The following CHST15 variants were observed in gnomAD, a reference collection of about 807,000 sequenced individuals.
The protein encoded by CHST15 is B cell RAG associated protein (GALNAC4S-6ST).
CHST15 carries 30 observed loss-of-function variants against 53.6 expected under a neutral mutation model. That is an observed-to-expected ratio of 0.56 (90% confidence interval 0.42 to 0.76). The LOEUF (loss-of-function observed/expected upper bound fraction) is 0.76, where lower values mean the gene tolerates loss of function less well. Among genes scored for constraint, CHST15 ranks in the 30% least tolerant of loss-of-function variants. CHST15 has a pLI of 0.00. For missense variants in CHST15, 627 were observed against 740.5 expected (o/e 0.85, Z 1.78); for synonymous variants, 296 against 289.8 (o/e 1.02, Z -0.22).
chr10:124,020,204 C>G lies in CHST15; in HGVS notation c.1347+1052G>C, dbSNP rs1054592539. The G allele has an allele frequency of 1.9e-5, 19 of 985,454 alleles. No individual in the cohort carries two copies. The African/African-American group carries it at 3.3e-4, about 17-fold the overall frequency. The allele number at this position is 985,454 out of a possible 1,614,324, so 61.0% of individuals were successfully genotyped here. A position where few individuals can be genotyped will look rare whatever the true frequency, so the allele number is the denominator to read the frequency against. ...ACAGACCCATCACAACAGCCTGGTACAGCAGCATTATTACCCCATTGTATG... is the reference window on the plus strand; with the variant it reads ...ACAGACCCATCACAACAGCCTGGTAGAGCAGCATTATTACCCCATTGTATG... On this transcript the variant is annotated intron_variant, in intron 6 of 7. Transcript: ENST00000435907.
intron 6 of CHST15, chr10:124,020,556 G>A (rs79219368): frequency 2.0e-6 from 2 of 985,526 alleles, no homozygotes; most frequent in Non-Finnish European, 2.4e-6. Context: ...TCCACAGCAG[G>A]CCTGTTGGTG....
chr10:124,076,204 A>C lies in CHST15; in HGVS notation c.-513+17265T>G, dbSNP rs1446116425. The stretch of plus-strand genomic sequence containing the variant: ...CATTTTACAGTGAAAAATCACCAGG[A>C]CTTGAGGCTTATACACACACATAAT... On this transcript the variant is annotated intron_variant, in intron 1 of 7. Transcript: ENST00000435907. 4.6e-5 allele frequency among the ~76,000 whole-genome samples: 7 copies of C among 152,130 alleles called. No individual in the cohort carries two copies. The East Asian group carries it at 1.3e-3, about 29-fold the overall frequency.
At chr10:124,025,818 C>T (rs1036903252) in intron 5 of CHST15, among the ~76,000 whole-genome samples, 5 of 152,130 alleles carry the variant, frequency 3.3e-5, no homozygotes, top group African/African-American at 4.8e-5. Flanking sequence ...GCCTGGAGTG[C>T]GGCGTCTATG....
intron 5 of CHST15, among the ~76,000 whole-genome samples, chr10:124,026,870 G>C (rs988023158): frequency 1.3e-5 from 2 of 152,188 alleles, no homozygotes; most frequent in Non-Finnish European, 2.9e-5. Context: ...TTGCAGGCAA[G>C]GGGAAATACC....
At position 124,078,281 on chromosome 10, in the gene CHST15, C is replaced by T. The variant is rs148467228; in HGVS notation, c.-513+15188G>A. Among the ~76,000 whole-genome samples, 116 of 152,344 alleles carry T rather than the reference C, an allele frequency of 7.6e-4. 1 individual carries two copies. Among genetic ancestry groups the T allele is most frequent in the African/African-American group, 2.7e-3 (111 of 41,584 alleles). ...CTGACTTCACACTGCCTATATTCCACGCCCAACTCTACCATCCAGCTGCAG... is the reference window on the plus strand; with the variant it reads ...CTGACTTCACACTGCCTATATTCCATGCCCAACTCTACCATCCAGCTGCAG... On this transcript the variant is annotated intron_variant, in intron 1 of 7. Coordinates refer to ENST00000435907, the MANE Select transcript of CHST15 (RefSeq NM_001270764.2).
intron 1 of CHST15, among the ~76,000 whole-genome samples, chr10:124,048,164 T>G (rs1297220559): frequency 2.0e-5 from 3 of 152,254 alleles, no homozygotes; most frequent in African/African-American, 7.2e-5. Context: ...TGCTTGCCGT[T>G]GGTGAGTGTT....
At chr10:124,083,455 T>C (rs899735600) in intron 1 of CHST15, among the ~76,000 whole-genome samples, 1 of 152,234 alleles carries the variant, frequency 6.6e-6, no homozygotes, top group African/African-American at 2.4e-5. Context: ...ATGCAAAAGA[T>C]CCCTGGATTT....
intron 4 of CHST15, among the ~76,000 whole-genome samples, chr10:124,039,000 A>G (rs1024501690): frequency 2.0e-4 from 30 of 152,216 alleles, no homozygotes; most frequent in African/African-American, 6.5e-4. Context: ...CCAGTTTCAC[A>G]GTATTTAACT....
At chr10:124,021,219 G>C in intron 6 of CHST15, 37 bp downstream of exon 6, 2 of 1,479,634 alleles carry the variant, frequency 1.4e-6, no homozygotes, top group Non-Finnish European at 1.8e-6. Context: ...TTCTGCCAGG[G>C]GCCAGCTCGG....
chr10:124,013,714 A>G (rs1185757495), intron 6 of CHST15, among the ~76,000 whole-genome samples: 1 of 152,166 alleles, frequency 6.6e-6, no homozygotes, highest in African/African-American at 2.4e-5. Flanking sequence ...AACTCTTAGC[A>G]AAGCTTCCAG....
chr10:124,077,824 G>A (rs549999656), intron 1 of CHST15, among the ~76,000 whole-genome samples: 4 of 152,174 alleles, frequency 2.6e-5, no homozygotes, highest in African/African-American at 7.2e-5. Context: ...AGCCTCACTC[G>A]GCTCCAGAGT....
chr10:124,032,026 G>GCTAT (rs1326024932), intron 5 of CHST15, among the ~76,000 whole-genome samples: 3 of 152,192 alleles, frequency 2.0e-5, no homozygotes, highest in Non-Finnish European at 2.9e-5. Flanking sequence ...CTGCCCAAAT[G>GCTAT]TTCAGCCCTG....
intron 5 of CHST15, among the ~76,000 whole-genome samples, chr10:124,037,406 A>G (rs1323820230): frequency 6.6e-6 from 1 of 152,180 alleles, no homozygotes; most frequent in Non-Finnish European, 1.5e-5. Context: ...ATGGAGAAGA[A>G]AGAGGACCAA....
At chr10:124,045,527 A>G in intron 2 of CHST15, 140 bp downstream of exon 2, 4 of 866,238 alleles carry the variant, frequency 4.6e-6, no homozygotes, top group Non-Finnish European at 7.2e-6. Context: ...TCAAATCCAT[A>G]AGGCTGTCAA....
At position 124,078,133 on chromosome 10, in the gene CHST15, C is replaced by T. The variant is rs181716038; in HGVS notation, c.-513+15336G>A. On this transcript the variant is annotated intron_variant, in intron 1 of 7. Transcript: ENST00000435907. ...GGGACACGGCAGATCTCACACAAGC[C>T]TCTTGCATTGCAGGTAAAGAAACAG... Among the ~76,000 whole-genome samples the T allele has an allele frequency of 8.5e-5, 13 of 152,324 alleles. No individual in the cohort carries two copies. In the East Asian group the frequency reaches 2.5e-3, roughly 29 times the overall value.
chr10:124,089,661 T>A (rs4450122), intron 1 of CHST15, among the ~76,000 whole-genome samples: 3 of 151,912 alleles, frequency 2.0e-5, no homozygotes, highest in African/African-American at 7.3e-5. Context: ...TGAAATTCAA[T>A]GTCCACACCT....
At chr10:124,020,870 A>G in intron 6 of CHST15, 2 of 1,256,476 alleles carry the variant, frequency 1.6e-6, no homozygotes, top group Non-Finnish European at 1.0e-6. Context: ...ATTGATGGGT[A>G]GTTTTTTAAA....
At position 124,010,007 on chromosome 10, in the gene CHST15, G is replaced by A; in HGVS notation, c.*142C>T. Reference sequence around the variant, plus strand: ...AACATCACGAAGGAAATTCCAAAATGGTTATAATTCATGTGTGCCTAGAGT... The same window carrying A: ...AACATCACGAAGGAAATTCCAAAATAGTTATAATTCATGTGTGCCTAGAGT... On this transcript the variant is annotated 3_prime_UTR_variant, in exon 8 of 8. Transcript: ENST00000435907. 5 of 1,507,734 alleles carry A rather than the reference G, an allele frequency of 3.3e-6. No homozygotes were observed. Among genetic ancestry groups the A allele is most frequent in the Non-Finnish European group, 4.4e-6 (5 of 1,132,874 alleles). The allele number at this position is 1,507,734 out of a possible 1,614,324, so 93.4% of individuals were successfully genotyped here. A position where few individuals can be genotyped will look rare whatever the true frequency, so the allele number is the denominator to read the frequency against.
Position 124,046,398 on chromosome 10 carries a change from G to T in CHST15, c.-186C>A. Reference sequence around the variant, plus strand: ...TAGAGAAAGAGGGTGCACATTCTTTGGTTCAGCTCCGAAAGAAAACAAAAG... The same window carrying T: ...TAGAGAAAGAGGGTGCACATTCTTTTGTTCAGCTCCGAAAGAAAACAAAAG... On this transcript the variant is annotated 5_prime_UTR_variant, in exon 2 of 8. Coordinates refer to ENST00000435907, the MANE Select transcript of CHST15 (RefSeq NM_001270764.2). 1 of 571,670 alleles carries T rather than the reference G, an allele frequency of 1.7e-6. No homozygotes were observed. Among genetic ancestry groups the T allele is most frequent in the Non-Finnish European group, 3.0e-6 (1 of 335,454 alleles). 35.4% of individuals were successfully genotyped at this position (571,670 alleles called of 1,614,324 possible).
Sources: gnomAD v4.1 joint callset for allele counts (sites outside exome capture counted in the v4.1 genomes callset) on GRCh38, gnomAD v4.1.1 for gene constraint, MANE v1.5 for transcripts, NCBI Gene and HGNC (gene_info 2026-07-23, HGNC 2026-07-21) for gene names.